The following FRMD4A variants were observed in gnomAD, a reference collection of about 807,000 sequenced individuals.
FRMD4A encodes FERM domain-containing protein 4A.
In FRMD4A, 29 loss-of-function variants were observed where a neutral mutation model predicts 129.1. The ratio of observed to expected loss-of-function variants is 0.22; its 90% CI spans 0.17 to 0.31. FRMD4A has a LOEUF of 0.31. Ranked by LOEUF, FRMD4A falls within the 10% of genes least tolerant of loss-of-function variation. The pLI, the probability that FRMD4A is intolerant of heterozygous loss-of-function variation, is 1.00. For missense variants in FRMD4A, 1,272 were observed against 1,375.8 expected (o/e 0.92, Z 1.19); for synonymous variants, 634 against 571.6 (o/e 1.11, Z -1.56).
intron 2 of FRMD4A, among the ~76,000 whole-genome samples, chr10:13,968,291 C>T (rs756957309): frequency 6.6e-6 from 1 of 152,204 alleles, no homozygotes; most frequent in Non-Finnish European, 1.5e-5. Context: ...AATGAAGACA[C>T]CGCAAACTAC....
chr10:14,259,758 G>A (rs2132031697), intron 2 of FRMD4A, among the ~76,000 whole-genome samples: 1 of 152,252 alleles, frequency 6.6e-6, no homozygotes, highest in Admixed American at 6.5e-5. Context: ...TCTATTGACT[G>A]CTATTTTTCC....
At chr10:14,228,180 T>C (rs1269081176) in intron 2 of FRMD4A, among the ~76,000 whole-genome samples, 1 of 152,166 alleles carries the variant, frequency 6.6e-6, no homozygotes, top group East Asian at 1.9e-4. Context: ...CATAGAAGTT[T>C]TAATCAAATC....
At chr10:14,318,516 T>C (rs556586666) in intron 2 of FRMD4A, among the ~76,000 whole-genome samples, 5 of 152,004 alleles carry the variant, frequency 3.3e-5, no homozygotes, top group Admixed American at 1.3e-4. Context: ...TGAGTGTTCT[T>C]TGAAGGTGTG....
At chr10:14,025,195 GA>G (rs1832933058) in intron 2 of FRMD4A, among the ~76,000 whole-genome samples, 1 of 152,040 alleles carries the variant, frequency 6.6e-6, no homozygotes, top group Non-Finnish European at 1.5e-5. Context: ...AAACATCAAG[GA>G]AAAAATTTAA....
intron 2 of FRMD4A, among the ~76,000 whole-genome samples, chr10:14,165,738 C>A (rs539565163): frequency 1.3e-5 from 2 of 152,266 alleles, no homozygotes; most frequent in East Asian, 3.9e-4. Context: ...TTATCTTAAG[C>A]AAATTAATGC....
Position 14,014,298 on chromosome 10 carries a change from C to G in FRMD4A, c.46-155386G>C, listed in dbSNP as rs186730384. Among the ~76,000 whole-genome samples, 64 of 152,306 alleles carry G rather than the reference C, an allele frequency of 4.2e-4. 1 individual carries two copies. Among genetic ancestry groups the G allele is most frequent in the Middle Eastern group, 3.4e-3 (1 of 294 alleles). On this transcript the variant is annotated intron_variant, in intron 2 of 24. Transcript: ENST00000357447. ...AAACATATTCTTCCTAATACCCTGACTCGATTATTACACATTCTATGCATG... is the reference window on the plus strand; with the variant it reads ...AAACATATTCTTCCTAATACCCTGAGTCGATTATTACACATTCTATGCATG...
At chr10:13,882,224 G>A (rs1313979065) in intron 2 of FRMD4A, among the ~76,000 whole-genome samples, 1 of 151,998 alleles carries the variant, frequency 6.6e-6, no homozygotes, top group East Asian at 1.9e-4. Context: ...AATGACTCAG[G>A]AAAGAGAGCC....
rs567862263 is a variant in FRMD4A, at chr10:13,986,211, G to A, written c.46-127299C>T. 1.3e-4 allele frequency among the ~76,000 whole-genome samples: 19 copies of A among 151,962 alleles called. No individual in the cohort carries two copies. In the South Asian group the frequency reaches 3.1e-3, roughly 25 times the overall value. ...AGTTTTAAGAAAGTATGTTTATTGC[G>A]GCACTATTCACAATAGCAAAGACTT... On this transcript the variant is annotated intron_variant, in intron 2 of 24. Coordinates refer to ENST00000357447, the MANE Select transcript of FRMD4A (RefSeq NM_018027.5).
At chr10:13,786,441 C>T (rs1564801077) in intron 5 of FRMD4A, among the ~76,000 whole-genome samples, 1 of 152,108 alleles carries the variant, frequency 6.6e-6, no homozygotes, top group Non-Finnish European at 1.5e-5. Flanking sequence ...CCTGTCTCTA[C>T]TAAAAATACA....
At chr10:13,922,006 G>A (rs2141461) in intron 2 of FRMD4A, among the ~76,000 whole-genome samples, 138,761 of 152,158 alleles carry the variant, frequency 0.91, 63,375 homozygotes, top group South Asian at 0.94. Context: ...GGTGGAGCCT[G>A]CATGTTGAGA....
chr10:14,225,781 A>G (rs976425218), intron 2 of FRMD4A, among the ~76,000 whole-genome samples: 1 of 152,216 alleles, frequency 6.6e-6, no homozygotes, highest in Non-Finnish European at 1.5e-5. Flanking sequence ...TTAGACAGAC[A>G]TGTGTATCTG....
At chr10:14,115,662 G>A (rs868384204) in intron 2 of FRMD4A, among the ~76,000 whole-genome samples, 107 of 152,234 alleles carry the variant, frequency 7.0e-4, no homozygotes, top group African/African-American at 2.5e-3. Context: ...CTCTTAGTTT[G>A]CACAAGAACT....
intron 15 of FRMD4A, among the ~76,000 whole-genome samples, chr10:13,691,797 A>G (rs1165441935): frequency 6.6e-6 from 1 of 152,154 alleles, no homozygotes; most frequent in African/African-American, 2.4e-5. Flanking sequence ...CTGGGTTTTC[A>G]CAGGGTTAGG....
intron 2 of FRMD4A, among the ~76,000 whole-genome samples, chr10:14,025,831 A>T (rs1354264816): frequency 5.9e-5 from 9 of 152,150 alleles, no homozygotes; most frequent in Admixed American, 1.3e-4. Context: ...AATGTCCTCA[A>T]GGTTCACCCA....
Position 14,129,402 on chromosome 10 carries a change from AT to A in FRMD4A, c.45+200655del, listed in dbSNP as rs1564321852. Among the ~76,000 whole-genome samples, 44 of 129,600 alleles carry A rather than the reference AT, an allele frequency of 3.4e-4. 1 individual carries two copies. The highest frequency in any genetic ancestry group is 5.5e-4 in the African/African-American group (16 of 28,960). 85.0% of individuals were successfully genotyped at this position (129,600 alleles called of 152,430 possible). A position where few individuals can be genotyped will look rare whatever the true frequency, so the allele number is the denominator to read the frequency against. On this transcript the variant is annotated intron_variant, in intron 2 of 24. Transcript: ENST00000357447. ...TATATATATATATATATATATATAT[AT>A]ATATAAAAAATATGAGCTGTAGAAC...
intron 8 of FRMD4A, among the ~76,000 whole-genome samples, chr10:13,758,525 C>T (rs972719134): frequency 6.6e-6 from 1 of 152,176 alleles, no homozygotes; most frequent in Non-Finnish European, 1.5e-5. Flanking sequence ...GATAAGGAAA[C>T]CTGCACAGGG....
intron 2 of FRMD4A, among the ~76,000 whole-genome samples, chr10:14,213,437 G>T (rs931206488): frequency 6.6e-6 from 1 of 152,118 alleles, no homozygotes; most frequent in African/African-American, 2.4e-5. Flanking sequence ...CTCAGAGAGG[G>T]TAAGTAGCTT....
At chr10:14,065,900 C>G (rs1835031418) in intron 2 of FRMD4A, among the ~76,000 whole-genome samples, 1 of 152,074 alleles carries the variant, frequency 6.6e-6, no homozygotes, top group Admixed American at 6.6e-5. Flanking sequence ...TTGGAGATAC[C>G]CGGGGTCCTA....
At chr10:13,888,950 T>C (rs1042713940) in intron 2 of FRMD4A, among the ~76,000 whole-genome samples, 3 of 152,244 alleles carry the variant, frequency 2.0e-5, no homozygotes, top group African/African-American at 7.2e-5. Flanking sequence ...AATTGCTCCA[T>C]TATACTTTCA....
Sources: allele counts gnomAD v4.1 joint callset (sites outside exome capture counted in the v4.1 genomes callset), GRCh38; gene constraint gnomAD v4.1.1; transcripts MANE v1.5; gene names NCBI Gene and HGNC (gene_info 2026-07-23, HGNC 2026-07-21).